MAGI2: variants seen among roughly 807,000 people sequenced by gnomAD.
MAGI2 encodes membrane-associated guanylate kinase, WW and PDZ domain-containing protein 2.
A neutral mutation model predicts 133.3 loss-of-function variants in MAGI2; 35 were observed. That is an observed-to-expected ratio of 0.26 (90% CI 0.20 to 0.35). MAGI2 has a LOEUF of 0.35. Ranked by LOEUF, MAGI2 falls within the 10% of genes least tolerant of loss-of-function variation. The pLI is 1.00. For missense variants in MAGI2, 1,636 were observed against 1,863.4 expected, an observed-to-expected ratio of 0.88 and a Z score of 2.25; for synonymous variants, 729 against 710.6, an observed-to-expected ratio of 1.03 and a Z score of -0.41.
chr7:78,769,263 T>TC (rs954410928), intron 2 of MAGI2, among the ~76,000 whole-genome samples: 4 of 140,566 alleles, frequency 2.8e-5, no homozygotes, highest in African/African-American at 7.6e-5. Context: ...AAATATCTAT[T>TC]TTTTTTTTTA....
chr7:78,700,578 C>G (rs1817965777), intron 2 of MAGI2, among the ~76,000 whole-genome samples: 1 of 152,022 alleles, frequency 6.6e-6, no homozygotes, highest in South Asian at 2.1e-4. Flanking sequence ...TAATTTAAAA[C>G]TTTGTTTCTT....
At chr7:78,693,097 G>A (rs971082905) in intron 2 of MAGI2, among the ~76,000 whole-genome samples, 2 of 152,210 alleles carry the variant, frequency 1.3e-5, no homozygotes, top group Middle Eastern at 3.4e-3. Context: ...AGAAAAGTGC[G>A]CCTCTAGAGA....
intron 3 of MAGI2, among the ~76,000 whole-genome samples, chr7:78,610,848 C>T (rs1441452271): frequency 2.0e-5 from 3 of 152,092 alleles, no homozygotes; most frequent in African/African-American, 7.2e-5. Flanking sequence ...CGAGTCATCC[C>T]GTTTTGGAAA....
intron 21 of MAGI2, among the ~76,000 whole-genome samples, chr7:78,070,174 CATATATATATATATATAT>C (rs57714371): frequency 1.9e-4 from 11 of 56,666 alleles, no homozygotes; most frequent in African/African-American, 4.1e-4. Context: ...CACACACACA[CATATATATATATATATAT>C]ATATATATAT....
intron 2 of MAGI2, among the ~76,000 whole-genome samples, chr7:78,900,442 C>T (rs1033109884): frequency 6.6e-6 from 1 of 152,146 alleles, no homozygotes; most frequent in Admixed American, 6.5e-5. Context: ...ACTCCAGCTT[C>T]TCTGACCCCT....
At chr7:78,086,220 T>C (rs886225497) in intron 20 of MAGI2, among the ~76,000 whole-genome samples, 10 of 110,098 alleles carry the variant, frequency 9.1e-5, no homozygotes, top group Middle Eastern at 7.9e-3. Flanking sequence ...TCTAGGGCTC[T>C]TTTTTTTTTT....
Position 79,168,901 on chromosome 7 carries a change from T to G in MAGI2, c.302-161695A>C, listed in dbSNP as rs1328248168. ...CTTTCTAAAGATAGATATATATATATATATATATATATATATATATATATA... is the reference window on the plus strand; with the variant it reads ...CTTTCTAAAGATAGATATATATATAGATATATATATATATATATATATATA... On this transcript the variant is annotated intron_variant, in intron 1 of 21. Transcript: ENST00000354212. Among the ~76,000 whole-genome samples, 17 of 8,948 alleles carry G rather than the reference T, an allele frequency of 1.9e-3. 1 individual carries two copies. The highest frequency in any genetic ancestry group is 5.8e-3 in the Non-Finnish European group (7 of 1,210). 5.9% of individuals were successfully genotyped at this position (8,948 alleles called of 152,430 possible). A position where few individuals can be genotyped will look rare whatever the true frequency, so the allele number is the denominator to read the frequency against.
At chr7:78,241,604 G>C (rs183720973) in intron 10 of MAGI2, among the ~76,000 whole-genome samples, 1 of 152,228 alleles carries the variant, frequency 6.6e-6, no homozygotes, top group East Asian at 1.9e-4. Flanking sequence ...ACCTCACAAA[G>C]CTAGAATAAA....
Position 79,451,278 on chromosome 7 carries a change from A to G in MAGI2, c.301+1742T>C, listed in dbSNP as rs551321288. The stretch of plus-strand genomic sequence containing the variant: ...CGCTTAACTTTTGCAGCCACGTTCC[A>G]TGACAAATATCAAGCATTTGGCCAA... On this transcript the variant is annotated intron_variant, in intron 1 of 21. Coordinates refer to ENST00000354212, the MANE Select transcript of MAGI2 (RefSeq NM_012301.4). Among the ~76,000 whole-genome samples, 14 of 152,324 alleles carry G rather than the reference A, an allele frequency of 9.2e-5. No individual in the cohort carries two copies. The East Asian group carries it at 2.7e-3, about 29-fold the overall frequency.
At chr7:78,394,989 G>A (rs1420197652) in intron 6 of MAGI2, among the ~76,000 whole-genome samples, 1 of 152,152 alleles carries the variant, frequency 6.6e-6, no homozygotes, top group Non-Finnish European at 1.5e-5. Flanking sequence ...GATCTACAAC[G>A]AAGCTGGATC....
intron 2 of MAGI2, among the ~76,000 whole-genome samples, chr7:78,831,732 TAA>T (rs1396238992): frequency 3.9e-5 from 6 of 152,206 alleles, no homozygotes; most frequent in African/African-American, 1.4e-4. Context: ...CTTTTATAAA[TAA>T]AGTTACATAT....
intron 1 of MAGI2, among the ~76,000 whole-genome samples, chr7:79,197,918 T>C (rs1331279929): frequency 6.6e-6 from 1 of 151,880 alleles, no homozygotes; most frequent in East Asian, 1.9e-4. Flanking sequence ...GGATTACATT[T>C]CAACATGAAT....
intron 1 of MAGI2, among the ~76,000 whole-genome samples, chr7:79,086,204 C>G (rs1473081942): frequency 6.6e-6 from 1 of 151,804 alleles, no homozygotes; most frequent in Non-Finnish European, 1.5e-5. Flanking sequence ...AAGGATGGGA[C>G]AGACTGAACT....
chr7:79,136,003 G>GAAAGAGAAAGAAAGAAAGAAAGAAAGAA (rs749343638), intron 1 of MAGI2, among the ~76,000 whole-genome samples: 1 of 40,888 alleles, frequency 2.4e-5, no homozygotes, highest in Non-Finnish European at 5.1e-5. Flanking sequence ...AAGAAAGAAA[G>GAAAGAGAAAGAAAGAAAGAAAGAAAGAA]AGAAAGAAAG....
At chr7:79,004,377 T>C (rs548912613) in intron 2 of MAGI2, among the ~76,000 whole-genome samples, 1 of 152,306 alleles carries the variant, frequency 6.6e-6, no homozygotes, top group East Asian at 1.9e-4. Context: ...AAATAACATG[T>C]TCTTACTCAT....
At chr7:78,076,185 G>A (rs1421765411) in intron 21 of MAGI2, among the ~76,000 whole-genome samples, 8 of 152,076 alleles carry the variant, frequency 5.3e-5, no homozygotes, top group Non-Finnish European at 4.4e-5. Context: ...GGCTGGGTGC[G>A]GTGGCTCATG....
intron 9 of MAGI2, among the ~76,000 whole-genome samples, chr7:78,328,529 A>ACACACACC (rs1408831333): frequency 2.0e-5 from 2 of 99,776 alleles, no homozygotes; most frequent in African/African-American, 7.6e-5. Flanking sequence ...ACACACACAC[A>ACACACACC]CCCCTCTCTC....
chr7:78,285,375 T>G (rs995204403), intron 9 of MAGI2, among the ~76,000 whole-genome samples: 20 of 152,174 alleles, frequency 1.3e-4, no homozygotes, highest in Admixed American at 1.3e-3. Context: ...ACAAAACAAT[T>G]CAATTTTTTG....
At chr7:78,100,979 A>G (rs1312581851) in intron 20 of MAGI2, among the ~76,000 whole-genome samples, 1 of 65,414 alleles carries the variant, frequency 1.5e-5, no homozygotes, top group Non-Finnish European at 2.8e-5. Context: ...AAATACTTAG[A>G]AAAAAAAAAG....
Sources: gnomAD v4.1 joint callset for allele counts (sites outside exome capture counted in the v4.1 genomes callset) on GRCh38, gnomAD v4.1.1 for gene constraint, MANE v1.5 for transcripts, NCBI Gene and HGNC (gene_info 2026-07-23, HGNC 2026-07-21) for gene names.